The following PITPNC1 variants were observed in gnomAD, a reference collection of about 807,000 sequenced individuals.
The protein encoded by PITPNC1 is phosphatidylinositol transfer protein cytoplasmic 1.
In PITPNC1, 18 loss-of-function variants were observed where a neutral mutation model predicts 44.7. That is an observed-to-expected ratio of 0.40 (90% CI 0.28 to 0.60). PITPNC1 has a LOEUF of 0.60. PITPNC1 is among the 20% of genes least tolerant of loss of function. The pLI, the probability that PITPNC1 is intolerant of heterozygous loss-of-function variation, is 0.39. For missense variants in PITPNC1, 290 were observed against 418.4 expected (o/e 0.69, Z 2.68); for synonymous variants, 141 against 149.6 (o/e 0.94, Z 0.42).
At chr17:67,685,667 G>T (rs569967354) in intron 8 of PITPNC1, among the ~76,000 whole-genome samples, 80 of 152,292 alleles carry the variant, frequency 5.3e-4, no homozygotes, top group African/African-American at 1.8e-3. Context: ...GAGTAACAGA[G>T]GAATGCCTAC....
chr17:67,555,565 A>G (rs2144177144), intron 4 of PITPNC1, among the ~76,000 whole-genome samples: 1 of 151,580 alleles, frequency 6.6e-6, no homozygotes, highest in African/African-American at 2.4e-5. Context: ...AGTGGCTCAC[A>G]CCTGTAATCC....
chr17:67,402,199 A>G (rs2038325801), intron 1 of PITPNC1, among the ~76,000 whole-genome samples: 1 of 152,238 alleles, frequency 6.6e-6, no homozygotes, highest in African/African-American at 2.4e-5. Flanking sequence ...ATTTGTGGAC[A>G]CTGAAATTTG....
At chr17:67,677,937 G>C (rs902015396) in intron 8 of PITPNC1, among the ~76,000 whole-genome samples, 1 of 151,878 alleles carries the variant, frequency 6.6e-6, no homozygotes, top group Non-Finnish European at 1.5e-5. Context: ...AAACTGCCAG[G>C]CACGGTAGTT....
intron 4 of PITPNC1, among the ~76,000 whole-genome samples, chr17:67,568,827 C>T (rs2041015274): frequency 6.6e-6 from 1 of 152,134 alleles, no homozygotes; most frequent in African/African-American, 2.4e-5. Flanking sequence ...AATACACTGT[C>T]ATAGAGAATA....
chr17:67,602,736 AT>A (rs201046555), intron 5 of PITPNC1, among the ~76,000 whole-genome samples: 1 of 151,166 alleles, frequency 6.6e-6, no homozygotes, highest in Non-Finnish European at 1.5e-5. Context: ...AACCTTGGGA[AT>A]TTTTTTTTGG....
chr17:67,679,588 C>G (rs893309883), intron 8 of PITPNC1, among the ~76,000 whole-genome samples: 2 of 152,236 alleles, frequency 1.3e-5, no homozygotes, highest in African/African-American at 4.8e-5. Flanking sequence ...GATCATTTGT[C>G]AGCCAAGGAT....
chr17:67,667,533 C>T (rs2042441949), intron 6 of PITPNC1, among the ~76,000 whole-genome samples: 1 of 141,126 alleles, frequency 7.1e-6, no homozygotes, highest in African/African-American at 2.6e-5. Context: ...CTCATACATA[C>T]ATATTTAAGC....
chr17:67,461,669 G>C (rs1228313726), intron 1 of PITPNC1, among the ~76,000 whole-genome samples: 2 of 152,162 alleles, frequency 1.3e-5, no homozygotes, highest in Admixed American at 6.5e-5. Context: ...GCTCACACCT[G>C]TAATTCCAAA....
intron 6 of PITPNC1, among the ~76,000 whole-genome samples, chr17:67,647,365 A>G (rs1021650671): frequency 2.7e-5 from 4 of 149,520 alleles, no homozygotes; most frequent in Non-Finnish European, 4.4e-5. Flanking sequence ...ATCACGACCC[A>G]CTGCTGTCTT....
chr17:67,479,143 G>A (rs1037823150), intron 1 of PITPNC1, among the ~76,000 whole-genome samples: 9 of 152,100 alleles, frequency 5.9e-5, no homozygotes, highest in Non-Finnish European at 8.8e-5. Context: ...TGAGAGGTCC[G>A]TGTTTTCTAG....
intron 1 of PITPNC1, among the ~76,000 whole-genome samples, chr17:67,488,396 G>T (rs986542130): frequency 2.6e-5 from 4 of 152,148 alleles, no homozygotes; most frequent in African/African-American, 7.2e-5. Context: ...GAGTTACAAG[G>T]CTCTGTAACT....
At chr17:67,429,945 G>A (rs1196112319) in intron 1 of PITPNC1, among the ~76,000 whole-genome samples, 1 of 152,194 alleles carries the variant, frequency 6.6e-6, no homozygotes, top group African/African-American at 2.4e-5. Flanking sequence ...ATTTGGCAAT[G>A]AACCTGTGCA....
intron 1 of PITPNC1, among the ~76,000 whole-genome samples, chr17:67,453,639 G>A (rs543701608): frequency 6.6e-6 from 1 of 152,340 alleles, no homozygotes; most frequent in East Asian, 1.9e-4. Context: ...TTGTGGAGGT[G>A]CTTACATAAC....
chr17:67,495,009 G>A (rs536887281), intron 1 of PITPNC1, among the ~76,000 whole-genome samples: 1 of 132,710 alleles, frequency 7.5e-6, no homozygotes, highest in South Asian at 2.5e-4. Flanking sequence ...ACAAGTAGAA[G>A]TAAACTTTGG....
chr17:67,409,382 C>T (rs2038458164), intron 1 of PITPNC1, among the ~76,000 whole-genome samples: 1 of 152,142 alleles, frequency 6.6e-6, no homozygotes, highest in Admixed American at 6.5e-5. Context: ...CCGCGCCCGG[C>T]CCCAAATTCA....
chr17:67,440,180 G>C (rs1167481506), intron 1 of PITPNC1, among the ~76,000 whole-genome samples: 1 of 152,128 alleles, frequency 6.6e-6, no homozygotes, highest in Non-Finnish European at 1.5e-5. Context: ...ATAATATTTT[G>C]ATGCAATATT....
chr17:67,498,878 GTT>G lies in PITPNC1; in HGVS notation c.49-33914_49-33913del, dbSNP rs71139150. ...TTTGTTTTTTTTTTTGTTTGTTTTT[GTT>G]TTTTTTTTTGAGATGGAGTCTTGCT... is the stretch of plus-strand genomic sequence containing the variant. On this transcript the variant is annotated intron_variant, in intron 1 of 8. Coordinates refer to ENST00000581322, the MANE Select transcript of PITPNC1 (RefSeq NM_012417.4). Among the ~76,000 whole-genome samples, 844 of 130,452 alleles carry G rather than the reference GTT, an allele frequency of 6.5e-3. 8 individuals are homozygous for G. The highest frequency in any genetic ancestry group is 0.022 in the African/African-American group (776 of 35,214). The allele number at this position is 130,452 out of a possible 152,430, so 85.6% of individuals were successfully genotyped here.
At chr17:67,456,173 A>T (rs2039252245) in intron 1 of PITPNC1, among the ~76,000 whole-genome samples, 1 of 152,192 alleles carries the variant, frequency 6.6e-6, no homozygotes, top group African/African-American at 2.4e-5. Context: ...GATCCTAATG[A>T]TGCTTTTACC....
intron 1 of PITPNC1, among the ~76,000 whole-genome samples, chr17:67,463,947 A>C (rs764310948): frequency 2.0e-5 from 3 of 151,924 alleles, no homozygotes; most frequent in Non-Finnish European, 4.4e-5. Flanking sequence ...TAACCCCAGC[A>C]CTTTGGGAGG....
Sources: gnomAD v4.1 joint callset for allele counts (sites outside exome capture counted in the v4.1 genomes callset) on GRCh38, gnomAD v4.1.1 for gene constraint, MANE v1.5 for transcripts, NCBI Gene and HGNC (gene_info 2026-07-23, HGNC 2026-07-21) for gene names.